Variants in CAMSAP1 observed in about 807,000 individuals in gnomAD.
CAMSAP1 encodes calmodulin regulated spectrin associated protein 1.
In CAMSAP1, 58 loss-of-function variants were observed where a neutral mutation model predicts 143.5. The ratio of observed to expected loss-of-function variants is 0.40; its 90% CI spans 0.33 to 0.50. CAMSAP1 has a LOEUF of 0.50. Ranked by LOEUF, CAMSAP1 falls within the 20% of genes least tolerant of loss-of-function variation. The pLI is 0.45. For synonymous variants in CAMSAP1, 945 were observed against 859.3 expected (o/e 1.10, Z -1.74); for missense variants, 1,969 against 2,115.7 (o/e 0.93, Z 1.36).
chr9:135,814,844 C>T (rs1470501159), intron 16 of CAMSAP1, among the ~76,000 whole-genome samples: 4 of 152,202 alleles, frequency 2.6e-5, no homozygotes, highest in African/African-American at 7.2e-5. Flanking sequence ...AGCCCAGAGG[C>T]ACCACATGAG....
intron 1 of CAMSAP1, among the ~76,000 whole-genome samples, chr9:135,887,213 G>C (rs1013479088): frequency 3.3e-5 from 5 of 152,198 alleles, no homozygotes; most frequent in Non-Finnish European, 7.3e-5. Flanking sequence ...CCAAAGAAAC[G>C]GACAAGTGAA....
chr9:135,820,485 G>T lies in CAMSAP1; in HGVS notation c.3822+354C>A, dbSNP rs779363656. 6.6e-6 allele frequency among the ~76,000 whole-genome samples: 1 copy of T among 151,922 alleles called. No individual in the cohort carries two copies. The highest frequency in any genetic ancestry group is 2.4e-5 in the African/African-American group (1 of 41,336). On this transcript the variant is annotated intron_variant, in intron 11 of 16. Transcript: ENST00000389532. The surrounding 1 kb of genome is among the most constrained non-coding windows in gnomAD (Gnocchi z 4.4). The stretch of plus-strand genomic sequence containing the variant: ...GCCACCTCCAGAGCATTCTAACGAC[G>T]AACGCTTTTTACGCTTTGGGGCAGG...
At chr9:135,897,934 T>C (rs775536698) in intron 1 of CAMSAP1, among the ~76,000 whole-genome samples, 1 of 152,148 alleles carries the variant, frequency 6.6e-6, no homozygotes, top group South Asian at 2.1e-4. Context: ...GTCAAAGAAG[T>C]AGTTATCAAA....
chr9:135,832,060 C>T (rs945365888), intron 7 of CAMSAP1, among the ~76,000 whole-genome samples: 1 of 152,148 alleles, frequency 6.6e-6, no homozygotes, highest in African/African-American at 2.4e-5. Context: ...CACTTCTAAA[C>T]TCATTTTATG....
rs929590192 is a variant in CAMSAP1 at position 135,810,130 on chromosome 9, T to G, written c.*1179A>C. ...GCTGGCACGCACCTGCTCCTGGGAA[T>G]GTCCGCGCTCCACAGAAGCATCAAC... On this transcript the variant is annotated 3_prime_UTR_variant, in exon 17 of 17. Coordinates refer to ENST00000389532, the MANE Select transcript of CAMSAP1 (RefSeq NM_015447.4). The G allele has an allele frequency of 4.6e-5, 7 of 152,558 alleles. No individual in the cohort carries two copies. Among genetic ancestry groups the G allele is most frequent in the Non-Finnish European group, 8.8e-5 (6 of 68,050 alleles). The allele number at this position is 152,558 out of a possible 1,614,324, so 9.5% of individuals were successfully genotyped here. A position where few individuals can be genotyped will look rare whatever the true frequency, so the allele number is the denominator to read the frequency against.
intron 1 of CAMSAP1, among the ~76,000 whole-genome samples, chr9:135,901,355 A>G (rs1296595322): frequency 6.6e-6 from 1 of 152,164 alleles, no homozygotes; most frequent in Admixed American, 6.5e-5. Flanking sequence ...TGATCCCAGC[A>G]CTTTGGGAGG....
At chr9:135,831,285 T>C (rs980616055) in intron 7 of CAMSAP1, among the ~76,000 whole-genome samples, 18 of 152,156 alleles carry the variant, frequency 1.2e-4, no homozygotes, top group African/African-American at 4.3e-4. Context: ...AAAAGTATCT[T>C]AAGCTGAATG....
chr9:135,845,864 A>G (rs1405156339), intron 7 of CAMSAP1, among the ~76,000 whole-genome samples: 1 of 152,222 alleles, frequency 6.6e-6, no homozygotes. Flanking sequence ...AAGAAATAAG[A>G]GAGGAAACAA....
intron 1 of CAMSAP1, among the ~76,000 whole-genome samples, chr9:135,901,120 A>T (rs1202120409): frequency 1.3e-5 from 2 of 152,162 alleles, no homozygotes; most frequent in Non-Finnish European, 2.9e-5. Flanking sequence ...AATAATGACT[A>T]AATATTCCTG....
Position 135,815,991 on chromosome 9 carries a change from T to C in CAMSAP1, c.4286A>G (p.Glu1429Gly), listed in dbSNP as rs1416586611. The change falls in exon 15 of 17, where the codon GAA becomes GGA. Residue 1429 changes from glutamate (E) to glycine (G), a missense_variant. Physicochemically the swap from Glu to Gly is moderately conservative, Grantham distance 98. Transcript: ENST00000389532. ...GTPSQRVESMEALPILSRNPS... is the reference protein window; with the variant it reads ...GTPSQRVESMGALPILSRNPS... ...GTTACGGCTCAGTATGGGCAGGGCT[T>C]CCATCGATTCCACTCTGCAGGCAGA... The C allele has an allele frequency of 6.2e-7, 1 of 1,613,586 alleles. No individual in the cohort carries two copies. The highest frequency in any genetic ancestry group is 1.1e-5 in the South Asian group (1 of 91,082).
Position 135,840,026 on chromosome 9 carries a change from C to A in CAMSAP1, c.1045+10111G>T, listed in dbSNP as rs994373456. Among the ~76,000 whole-genome samples, 8 of 152,204 alleles carry A rather than the reference C, an allele frequency of 5.3e-5. 1 individual carries two copies. Among genetic ancestry groups the A allele is most frequent in the Admixed American group, 5.2e-4 (8 of 15,276 alleles). ...CACCTGCCAAGACCAGTGCTGACTC[C>A]TAATATGGCACCGTCCTGGAGAAGA... On this transcript the variant is annotated intron_variant, in intron 7 of 16. Coordinates refer to ENST00000389532, the MANE Select transcript of CAMSAP1 (RefSeq NM_015447.4).
chr9:135,853,618 G>A lies in CAMSAP1; in HGVS notation c.809-3157C>T, dbSNP rs76307946. Reference sequence around the variant, plus strand: ...ATAGAAAAGCCGATGGATTTTCTTCGCCTCTCTTCTGCTGCACTTACTCCC... The same window carrying A: ...ATAGAAAAGCCGATGGATTTTCTTCACCTCTCTTCTGCTGCACTTACTCCC... On this transcript the variant is annotated intron_variant, in intron 5 of 16. Transcript: ENST00000389532. Among the ~76,000 whole-genome samples the A allele has an allele frequency of 8.8e-3, 1,338 of 152,256 alleles. 10 individuals are homozygous for A. Among genetic ancestry groups the A allele is most frequent in the African/African-American group, 0.026 (1,088 of 41,548 alleles).
chr9:135,837,492 T>C (rs1395682614), intron 7 of CAMSAP1, among the ~76,000 whole-genome samples: 61 of 111,218 alleles, frequency 5.5e-4, no homozygotes, highest in African/African-American at 1.1e-3. Context: ...CACATCATCA[T>C]GCACTTTCTA....
rs200012877 is a variant in CAMSAP1, at chr9:135,850,111, C to A, written c.1045+26G>T. ...TCTAGGCTCTCAAGGAAACCATTGC[C>A]AACCTGGGGAATATCTGTCACTCAC... On this transcript the variant is annotated intron_variant, in intron 7 of 16. Coordinates refer to ENST00000389532, the MANE Select transcript of CAMSAP1 (RefSeq NM_015447.4). 1.0e-5 allele frequency: 16 copies of A among 1,573,380 alleles called. No individual in the cohort carries two copies. In the East Asian group the frequency reaches 3.4e-4, roughly 34 times the overall value.
chr9:135,828,298 G>A (rs1024987160), intron 7 of CAMSAP1, among the ~76,000 whole-genome samples: 1 of 152,248 alleles, frequency 6.6e-6, no homozygotes, highest in Non-Finnish European at 1.5e-5. Flanking sequence ...CCATATGGTG[G>A]GGACCAGTGG....
chr9:135,904,377 C>A (rs1838707471), intron 1 of CAMSAP1, among the ~76,000 whole-genome samples: 1 of 136,016 alleles, frequency 7.4e-6, no homozygotes, highest in Admixed American at 7.9e-5. Flanking sequence ...CCAGCCTGGC[C>A]GACAGAGCGA....
At chr9:135,852,268 G>A (rs1188309529) in intron 5 of CAMSAP1, among the ~76,000 whole-genome samples, 1 of 152,158 alleles carries the variant, frequency 6.6e-6, no homozygotes, top group African/African-American at 2.4e-5. Flanking sequence ...CACGTGTGCT[G>A]CAAATATTTT....
intron 3 of CAMSAP1, among the ~76,000 whole-genome samples, chr9:135,874,178 G>GA (rs1432702422): frequency 6.6e-6 from 1 of 152,006 alleles, no homozygotes; most frequent in Non-Finnish European, 1.5e-5. Flanking sequence ...ATGTATTCAT[G>GA]AAAAAAATAC....
At position 135,818,020 on chromosome 9, in the gene CAMSAP1, T is replaced by G; in HGVS notation, c.4228A>C (p.Thr1410Pro). 6.2e-7 allele frequency: 1 copy of G among 1,613,892 alleles called. No homozygotes were observed. The highest frequency in any genetic ancestry group is 2.2e-5 in the East Asian group (1 of 44,872). ...SSLSLASAAT[T>P]EPESVHSGGT... ...CCGGAATGAACGCTCTCGGGTTCTG[T>G]CGTCGCCGCAGAGGCCAAGGACAGG... The change falls in exon 14 of 17, where the codon ACA becomes CCA. Residue 1410 changes from threonine (T) to proline (P), a missense_variant. Thr to Pro is a conservative substitution (Grantham distance 38, BLOSUM62 -1). Coordinates refer to ENST00000389532, the MANE Select transcript of CAMSAP1 (RefSeq NM_015447.4). This position sits in a 1 kb window ranked among gnomAD's most constrained non-coding sequence, Gnocchi z 7.7.
Sources: allele counts gnomAD v4.1 joint callset (sites outside exome capture counted in the v4.1 genomes callset), GRCh38; gene constraint gnomAD v4.1.1; non-coding constraint Gnocchi (gnomAD v3.1); transcripts MANE v1.5; gene names NCBI Gene and HGNC (gene_info 2026-07-23, HGNC 2026-07-21).